The following WDR72 variants were observed in gnomAD, a reference collection of about 807,000 sequenced individuals.
WDR72 encodes the protein WD repeat domain 72, also known as WD repeat-containing protein 72.
In WDR72, 120 loss-of-function variants were observed where a neutral mutation model predicts 124.2. The ratio of observed to expected loss-of-function variants is 0.97; its 90% CI spans 0.83 to 1.12. WDR72 has a LOEUF of 1.12. Ranked by LOEUF, WDR72 falls within the 50% of genes most tolerant of loss-of-function variation. The probability of loss-of-function intolerance (pLI) is 0.00; values close to 1 mark genes in which losing one functional copy is unlikely to be tolerated. For synonymous variants in WDR72, 452 were observed against 441.7 expected (o/e 1.02, Z -0.29); for missense variants, 1,387 against 1,278.8 (o/e 1.08, Z -1.29).
At chr15:53,629,391 C>T (rs1482036721) in intron 14 of WDR72, among the ~76,000 whole-genome samples, 1 of 150,868 alleles carries the variant, frequency 6.6e-6, no homozygotes, top group Admixed American at 6.6e-5. Flanking sequence ...ATCAGTGCCA[C>T]AGAAGGGACT....
At chr15:53,556,604 C>T (rs1048635558) in intron 18 of WDR72, among the ~76,000 whole-genome samples, 2 of 151,992 alleles carry the variant, frequency 1.3e-5, no homozygotes, top group African/African-American at 4.8e-5. Flanking sequence ...TAGTAAACTG[C>T]CCAAACTGAT....
chr15:53,639,542 A>AATTTTATTTATTTATAAAATTATAT (rs1359664692), intron 14 of WDR72, among the ~76,000 whole-genome samples: 1,664 of 145,722 alleles, frequency 0.011, 24 homozygotes, highest in East Asian at 0.061. Flanking sequence ...AATTATATAT[A>AATTTTATTTATTTATAAAATTATAT]ATTTTATTTA....
chr15:53,597,030 T>C (rs373227030), intron 18 of WDR72, 49 bp downstream of exon 18: 226 of 1,571,760 alleles, frequency 1.4e-4, no homozygotes, highest in Non-Finnish European at 1.9e-4. Context: ...AGACTATCTA[T>C]AGTAGAAAAG....
At chr15:53,760,817 T>C (rs1446942584), upstream of WDR72, among the ~76,000 whole-genome samples, 1 of 152,142 alleles carries the variant, frequency 6.6e-6, no homozygotes, top group Non-Finnish European at 1.5e-5. Context: ...AAAAATATAA[T>C]AATTCAGTTT....
At chr15:53,533,124 A>G (rs1892570519) in intron 18 of WDR72, among the ~76,000 whole-genome samples, 1 of 152,064 alleles carries the variant, frequency 6.6e-6, no homozygotes, top group Non-Finnish European at 1.5e-5. Flanking sequence ...TGAGGACTCC[A>G]CACTTGGAAC....
In WDR72 at chr15:53,516,376, T is replaced by C. The variant is rs1253193240; in HGVS notation, c.*1323A>G. On this transcript the variant is annotated 3_prime_UTR_variant, in exon 20 of 20. Coordinates refer to ENST00000360509, the MANE Select transcript of WDR72 (RefSeq NM_182758.4). Reference sequence around the variant, plus strand: ...TCAATTACACAGTTCTCTTTTCTAATTTCCCCATCTCCTGTCTACTGCATC... The same window carrying C: ...TCAATTACACAGTTCTCTTTTCTAACTTCCCCATCTCCTGTCTACTGCATC... 6.6e-6 allele frequency: 1 copy of C among 152,120 alleles called. No individual in the cohort carries two copies. The highest frequency in any genetic ancestry group is 2.4e-5 in the African/African-American group (1 of 41,432). The allele number at this position is 152,120 out of a possible 1,614,324, so 9.4% of individuals were successfully genotyped here. A position where few individuals can be genotyped will look rare whatever the true frequency, so the allele number is the denominator to read the frequency against.
intron 14 of WDR72, among the ~76,000 whole-genome samples, chr15:53,645,686 C>G (rs1364526071): frequency 6.6e-6 from 1 of 152,074 alleles, no homozygotes; most frequent in Non-Finnish European, 1.5e-5. Context: ...CATGATTTTT[C>G]TCTTAAACTA....
intron 14 of WDR72, among the ~76,000 whole-genome samples, chr15:53,662,168 T>C (rs759858805): frequency 7.2e-5 from 11 of 152,142 alleles, no homozygotes; most frequent in Non-Finnish European, 1.5e-4. Context: ...GTCTTATCCT[T>C]AGATAAATCT....
At chr15:53,576,575 T>G (rs2011628155) in intron 18 of WDR72, among the ~76,000 whole-genome samples, 1 of 152,066 alleles carries the variant, frequency 6.6e-6, no homozygotes, top group Non-Finnish European at 1.5e-5. Flanking sequence ...ATTAAATAAT[T>G]CCTTTCCTTC....
chr15:53,547,887 C>T (rs1399733421), intron 18 of WDR72, among the ~76,000 whole-genome samples: 1 of 151,702 alleles, frequency 6.6e-6, no homozygotes, highest in Non-Finnish European at 1.5e-5. Context: ...CAGGAATGCA[C>T]AAAAGAAAAC....
intron 13 of WDR72, among the ~76,000 whole-genome samples, chr15:53,681,031 TA>T (rs1429634697): frequency 5.9e-5 from 9 of 152,374 alleles, no homozygotes; most frequent in Non-Finnish European, 8.8e-5. Flanking sequence ...TGTTTTCATC[TA>T]GTTCATCCCT....
At position 53,699,813 on chromosome 15, in the gene WDR72, C is replaced by G. The variant is rs1363331945; in HGVS notation, c.1702G>C (p.Val568Leu). 1 of 1,614,034 alleles carries G rather than the reference C, an allele frequency of 6.2e-7. No individual in the cohort carries two copies. Among genetic ancestry groups the G allele is most frequent in the Non-Finnish European group, 8.5e-7 (1 of 1,180,034 alleles). The change falls in exon 13 of 20, where the codon GTT (valine) becomes CTT (leucine). Residue 568 changes from valine to leucine, a missense_variant. Physicochemically the swap from Val to Leu is conservative, Grantham distance 32. Coordinates refer to ENST00000360509, the MANE Select transcript of WDR72 (RefSeq NM_182758.4). ...FPVRMIKWHP[V>L]ENFLIVGCAD... Reference sequence around the variant, plus strand: ...CATCCAACAATTAAAAAATTCTCAACCGGGTGCCATTTTATCATCCTCACA... The same window carrying G: ...CATCCAACAATTAAAAAATTCTCAAGCGGGTGCCATTTTATCATCCTCACA...
chr15:53,707,142 A>C (rs2017402914), intron 9 of WDR72, among the ~76,000 whole-genome samples: 1 of 152,194 alleles, frequency 6.6e-6, no homozygotes, highest in Non-Finnish European at 1.5e-5. Context: ...GCTAGAATTA[A>C]AGAAGTTCAG....
At chr15:53,738,488 T>A (rs181815044) in intron 1 of WDR72, among the ~76,000 whole-genome samples, 1 of 152,342 alleles carries the variant, frequency 6.6e-6, no homozygotes, top group Admixed American at 6.5e-5. Context: ...TAAACTCAGA[T>A]ATCTTAAATG....
intron 14 of WDR72, among the ~76,000 whole-genome samples, chr15:53,640,940 G>T (rs1481307629): frequency 1.3e-5 from 2 of 151,366 alleles, no homozygotes; most frequent in Non-Finnish European, 2.9e-5. Flanking sequence ...CTGTTATAAG[G>T]TTTTAAGTTG....
At position 53,714,528 on chromosome 15, in the gene WDR72, G is replaced by T; in HGVS notation, c.515-18C>A. 6.3e-7 allele frequency: 1 copy of T among 1,595,936 alleles called. No homozygotes were observed. Among genetic ancestry groups the T allele is most frequent in the Non-Finnish European group, 8.6e-7 (1 of 1,163,800 alleles). On this transcript the variant is annotated intron_variant, in intron 5 of 19. Coordinates refer to ENST00000360509, the MANE Select transcript of WDR72 (RefSeq NM_182758.4). Reference sequence around the variant, plus strand: ...AGAATCTTCTGTGAAAATAATAAAAGTCACATATAAGCTTACCATGGATAT... The same window carrying T: ...AGAATCTTCTGTGAAAATAATAAAATTCACATATAAGCTTACCATGGATAT...
At chr15:53,677,826 T>A (rs979664871) in intron 13 of WDR72, among the ~76,000 whole-genome samples, 10 of 152,196 alleles carry the variant, frequency 6.6e-5, no homozygotes, top group African/African-American at 2.2e-4. Context: ...TTCTTTATCA[T>A]CATCATCATC....
intron 1 of WDR72, among the ~76,000 whole-genome samples, chr15:53,753,396 T>C (rs904158377): frequency 6.6e-6 from 1 of 152,236 alleles, no homozygotes; most frequent in Non-Finnish European, 1.5e-5. Context: ...GGGAAGACTT[T>C]AAACTCACCT....
chr15:53,639,420 C>T (rs574720316), intron 14 of WDR72, among the ~76,000 whole-genome samples: 67 of 148,366 alleles, frequency 4.5e-4, no homozygotes, highest in African/African-American at 1.6e-3. Flanking sequence ...CGAGACCAGC[C>T]TGGGCAACAT....
Sources: gnomAD v4.1 joint callset for allele counts (sites outside exome capture counted in the v4.1 genomes callset) on GRCh38, gnomAD v4.1.1 for gene constraint, MANE v1.5 for transcripts, NCBI Gene and HGNC (gene_info 2026-07-23, HGNC 2026-07-21) for gene names.